DAB1: variants seen among roughly 807,000 people sequenced by gnomAD.
DAB1 encodes disabled homolog 1.
In DAB1, 15 loss-of-function variants were observed where a neutral mutation model predicts 64.6. That is an observed-to-expected ratio of 0.23 (90% CI 0.16 to 0.36). The LOEUF (loss-of-function observed/expected upper bound fraction) is 0.36, where lower values mean the gene tolerates loss of function less well. Among genes scored for constraint, DAB1 ranks in the 10% least tolerant of loss-of-function variants. The pLI, the probability that DAB1 is intolerant of heterozygous loss-of-function variation, is 1.00. For synonymous variants in DAB1, 235 were observed against 251.9 expected, an observed-to-expected ratio of 0.93 and a Z score of 0.64; for missense variants, 596 against 706.7, an observed-to-expected ratio of 0.84 and a Z score of 1.78.
At chr1:57,578,343 C>A (rs1476411593) in intron 7 of DAB1, among the ~76,000 whole-genome samples, 2 of 152,218 alleles carry the variant, frequency 1.3e-5, no homozygotes, top group African/African-American at 4.8e-5. Context: ...GCTTCTGGCA[C>A]TGCTAAATCC....
chr1:57,349,805 A>G (rs889378072), intron 1 of DAB1, among the ~76,000 whole-genome samples: 2 of 152,302 alleles, frequency 1.3e-5, no homozygotes, highest in African/African-American at 4.8e-5. Flanking sequence ...ACTCATTGGC[A>G]GTTTGTCCAA....
At chr1:57,282,049 G>A (rs1671938400) in intron 2 of DAB1, among the ~76,000 whole-genome samples, 1 of 151,852 alleles carries the variant, frequency 6.6e-6, no homozygotes, top group South Asian at 2.1e-4. Context: ...TGGGTGCAGT[G>A]ACATGCACCT....
At chr1:57,147,660 A>C (rs189414911) in intron 2 of DAB1, among the ~76,000 whole-genome samples, 1 of 152,274 alleles carries the variant, frequency 6.6e-6, no homozygotes, top group East Asian at 1.9e-4. Context: ...CCTCCTCTTC[A>C]ACATATGACA....
chr1:57,430,377 A>ATTT (rs10659663), intron 7 of DAB1, among the ~76,000 whole-genome samples: 20,506 of 141,664 alleles, frequency 0.14, 1,825 homozygotes, highest in East Asian at 0.39. Flanking sequence ...AGTTAATACA[A>ATTT]TTTTTTTTTT....
chr1:57,762,339 A>G (rs1649125060), intron 6 of DAB1, among the ~76,000 whole-genome samples: 1 of 152,094 alleles, frequency 6.6e-6, no homozygotes. Context: ...AAAAGGGTAT[A>G]AAACTTTAGA....
At chr1:58,490,630 C>T (rs1317168690) in intron 3 of DAB1, among the ~76,000 whole-genome samples, 2 of 150,366 alleles carry the variant, frequency 1.3e-5, no homozygotes, top group African/African-American at 2.4e-5. Flanking sequence ...AACTCCAAGA[C>T]ACATAATTGT....
intron 7 of DAB1, among the ~76,000 whole-genome samples, chr1:57,488,380 C>T (rs149363913): frequency 0.02 from 2,667 of 135,860 alleles, 72 homozygotes; most frequent in East Asian, 0.14. Flanking sequence ...CCAGCCTGGG[C>T]GACAGAGCCA....
intron 4 of DAB1, among the ~76,000 whole-genome samples, chr1:58,314,820 G>C (rs1662516008): frequency 6.6e-6 from 1 of 152,166 alleles, no homozygotes; most frequent in Non-Finnish European, 1.5e-5. Context: ...CATAACAGGA[G>C]CTCAATAAAT....
chr1:57,882,056 A>G (rs1314906165), intron 1 of DAB1, among the ~76,000 whole-genome samples: 1 of 152,194 alleles, frequency 6.6e-6, no homozygotes, highest in Non-Finnish European at 1.5e-5. Context: ...ATAAAGGTAA[A>G]GAAAACCTAA....
intron 3 of DAB1, among the ~76,000 whole-genome samples, chr1:58,502,314 C>CT (rs1645919834): frequency 6.6e-6 from 1 of 152,226 alleles, no homozygotes; most frequent in South Asian, 2.1e-4. Context: ...AACACAGGCT[C>CT]TGTCTTCCTC....
intron 3 of DAB1, among the ~76,000 whole-genome samples, chr1:58,465,828 G>A (rs566350813): frequency 6.6e-6 from 1 of 152,304 alleles, no homozygotes; most frequent in African/African-American, 2.4e-5. Context: ...GAAACTGGGG[G>A]GTTCAGTGCC....
At chr1:57,712,718 A>G (rs1335281343) in intron 6 of DAB1, among the ~76,000 whole-genome samples, 1 of 152,184 alleles carries the variant, frequency 6.6e-6, no homozygotes, top group Non-Finnish European at 1.5e-5. Flanking sequence ...ATTGTGAAGG[A>G]GAATTCTATT....
intron 3 of DAB1, among the ~76,000 whole-genome samples, chr1:58,361,863 CTTTTTTTTTTTTTT>C (rs34029239): frequency 2.4e-5 from 2 of 84,022 alleles, no homozygotes; most frequent in Non-Finnish European, 4.2e-5. Flanking sequence ...AAAGATCCCC[CTTTTTTTTTTTTTT>C]TTTTTTTTTT....
chr1:58,025,730 C>A (rs1646884990), intron 5 of DAB1, among the ~76,000 whole-genome samples: 1 of 142,512 alleles, frequency 7.0e-6, no homozygotes, highest in Admixed American at 7.2e-5. Context: ...TTGAATTCAA[C>A]CCTGATCATA....
intron 7 of DAB1, among the ~76,000 whole-genome samples, chr1:57,429,152 C>A (rs1282685494): frequency 1.3e-5 from 2 of 152,036 alleles, no homozygotes; most frequent in African/African-American, 4.8e-5. Flanking sequence ...TGGCTTCATG[C>A]GATCCTCCTG....
intron 7 of DAB1, among the ~76,000 whole-genome samples, chr1:57,593,807 T>G (rs537025615): frequency 1.3e-5 from 2 of 152,226 alleles, no homozygotes; most frequent in Non-Finnish European, 2.9e-5. Context: ...GCGACACATA[T>G]GTGGCACAAC....
chr1:58,320,139 T>C (rs370011202), intron 4 of DAB1, among the ~76,000 whole-genome samples: 279 of 152,338 alleles, frequency 1.8e-3, no homozygotes, highest in African/African-American at 6.5e-3. Flanking sequence ...GTGAAGAACA[T>C]AGAGTGTGAA....
At chr1:57,143,590 A>C (rs1211563803) in intron 3 of DAB1, among the ~76,000 whole-genome samples, 1 of 152,210 alleles carries the variant, frequency 6.6e-6, no homozygotes, top group Non-Finnish European at 1.5e-5. Context: ...AAAAGAAGAC[A>C]TATAAATGAA....
chr1:58,434,670 C>A (rs1375238321), intron 3 of DAB1, among the ~76,000 whole-genome samples: 1 of 152,134 alleles, frequency 6.6e-6, no homozygotes, highest in African/African-American at 2.4e-5. Context: ...GTCACCAATA[C>A]AGTGTGTGTA....
Sources: allele counts gnomAD v4.1 joint callset (sites outside exome capture counted in the v4.1 genomes callset), GRCh38; gene constraint gnomAD v4.1.1; transcripts MANE v1.5; gene names NCBI Gene and HGNC (gene_info 2026-07-23, HGNC 2026-07-21).